Variants in CEP63 observed in about 807,000 individuals in gnomAD.
The protein encoded by CEP63 is centrosomal protein of 63 kDa.
Under a neutral mutation model 89.1 loss-of-function variants are expected in CEP63, and 84 were observed. That is an observed-to-expected ratio of 0.94 (90% CI 0.79 to 1.13). CEP63 has a LOEUF of 1.13. Among genes scored for constraint, CEP63 ranks in the 50% most tolerant of loss-of-function variants. The pLI is 0.00. For missense variants in CEP63, 838 were observed against 813.3 expected (o/e 1.03, Z -0.37); for synonymous variants, 267 against 272.5 (o/e 0.98, Z 0.20).
chr3:134,545,745 G>A lies in CEP63; in HGVS notation c.715G>A (p.Gly239Arg), dbSNP rs1173565237. 6.2e-7 allele frequency: 1 copy of A among 1,614,098 alleles called. No individual in the cohort carries two copies. Among genetic ancestry groups the A allele is most frequent in the African/African-American group, 1.3e-5 (1 of 75,030 alleles). The change falls in exon 7 of 15, where the codon GGA becomes AGA. Residue 239 changes from glycine to arginine, a missense_variant. Transcript: ENST00000675561. Reference sequence around the variant, plus strand: ...CACCATGAGGGTCAATGACTTGGTTGGAACCAGTATGACTGTCCTACAGGA... The same window carrying A: ...CACCATGAGGGTCAATGACTTGGTTAGAACCAGTATGACTGTCCTACAGGA... ...RLTMRVNDLV[G>R]TSMTVLQEQQ...
At chr3:134,610,808 C>G in the CEP63 span, 1 of 156,846 alleles carries the variant, frequency 6.4e-6, no homozygotes. Context: ...ATGTAAGGGG[C>G]GAGCACAGCT....
the CEP63 span, among the ~76,000 whole-genome samples, chr3:134,612,747 G>A: frequency 2.1e-5 from 3 of 142,286 alleles, no homozygotes; most frequent in African/African-American, 8.0e-5. Flanking sequence ...ATGTCACGCC[G>A]ATGCTGTGTG....
rs927885388 is a variant in CEP63, at chr3:134,551,632, T to C, written c.1381-294T>C. Among the ~76,000 whole-genome samples, 14 of 151,728 alleles carry C rather than the reference T, an allele frequency of 9.2e-5. 1 individual carries two copies. Among genetic ancestry groups the C allele is most frequent in the Admixed American group, 9.2e-4 (14 of 15,212 alleles). ...GTTCAGTGGATTGAAACTTTGCTGCTTTGTCACCTGATTTATCCTATTAGA... is the reference window on the plus strand; with the variant it reads ...GTTCAGTGGATTGAAACTTTGCTGCCTTGTCACCTGATTTATCCTATTAGA... On this transcript the variant is annotated intron_variant, in intron 11 of 14. Coordinates refer to ENST00000675561, the MANE Select transcript of CEP63 (RefSeq NM_001353108.3).
At chr3:134,607,639 AG>A in the CEP63 span, 1 of 985,692 alleles carries the variant, frequency 1.0e-6, no homozygotes, top group African/African-American at 1.7e-5. Context: ...ACAATCTTCC[AG>A]AGAAGGCCCT....
the CEP63 span, among the ~76,000 whole-genome samples, chr3:134,656,481 G>A: frequency 6.6e-6 from 1 of 152,186 alleles, no homozygotes; most frequent in Admixed American, 6.5e-5. Context: ...AGCAGGGATG[G>A]AAGAGCAGGG....
chr3:134,618,954 C>A, the CEP63 span, among the ~76,000 whole-genome samples: 14 of 152,244 alleles, frequency 9.2e-5, 1 homozygote, highest in African/African-American at 3.4e-4. Flanking sequence ...TCGCGAAGCC[C>A]GGCAGATGGT....
At chr3:134,520,365 G>GTT in intron 3 of CEP63, among the ~76,000 whole-genome samples, 1 of 152,070 alleles carries the variant, frequency 6.6e-6, no homozygotes, top group South Asian at 2.1e-4. Context: ...CAATGAAAGA[G>GTT]GTATAAGACC....
the CEP63 span, among the ~76,000 whole-genome samples, chr3:134,776,663 G>A: frequency 7.6e-3 from 1,163 of 152,274 alleles, 14 homozygotes; most frequent in African/African-American, 0.027. Flanking sequence ...GCAGCTGGCT[G>A]AGCCTGAAGT....
chr3:134,760,591 C>T, the CEP63 span, among the ~76,000 whole-genome samples: 1 of 152,152 alleles, frequency 6.6e-6, no homozygotes, highest in East Asian at 1.9e-4. Context: ...TGAGCAATTC[C>T]TATGTGTCCC....
At chr3:134,692,261 C>T in the CEP63 span, among the ~76,000 whole-genome samples, 10 of 152,106 alleles carry the variant, frequency 6.6e-5, no homozygotes, top group South Asian at 2.1e-4. Flanking sequence ...CCTTCCCCCT[C>T]CCCCAACCCC....
chr3:134,527,002 A>G (rs1658052658), intron 3 of CEP63, among the ~76,000 whole-genome samples: 1 of 152,130 alleles, frequency 6.6e-6, no homozygotes, highest in South Asian at 2.1e-4. Context: ...GAGTGCTCCC[A>G]GACCACTAGT....
the CEP63 span, among the ~76,000 whole-genome samples, chr3:134,666,869 G>C: frequency 6.6e-6 from 1 of 152,190 alleles, no homozygotes; most frequent in Non-Finnish European, 1.5e-5. Context: ...GAGGTCTAGC[G>C]ATGGCAAGTA....
the CEP63 span, among the ~76,000 whole-genome samples, chr3:134,628,612 C>G: frequency 6.6e-6 from 1 of 152,178 alleles, no homozygotes. Context: ...ATTTTTTTCC[C>G]ACCTACCTTT....
downstream of CEP63, among the ~76,000 whole-genome samples, chr3:134,590,904 T>C (rs747563342): frequency 6.6e-6 from 1 of 152,232 alleles, no homozygotes; most frequent in Non-Finnish European, 1.5e-5. Context: ...CTGTCTGGAC[T>C]GTGTTCATCC....
At chr3:134,646,323 T>C in the CEP63 span, among the ~76,000 whole-genome samples, 1 of 152,010 alleles carries the variant, frequency 6.6e-6, no homozygotes, top group East Asian at 1.9e-4. Flanking sequence ...TCCCTGGCAG[T>C]GGTGGGGTGG....
At chr3:134,598,178 G>A in the CEP63 span, among the ~76,000 whole-genome samples, 3 of 152,188 alleles carry the variant, frequency 2.0e-5, no homozygotes, top group African/African-American at 7.2e-5. Context: ...AAAATCAAAG[G>A]TGTGCAAAAA....
the CEP63 span, among the ~76,000 whole-genome samples, chr3:134,725,170 A>G: frequency 5.9e-5 from 9 of 152,338 alleles, no homozygotes; most frequent in Non-Finnish European, 1.0e-4. Context: ...TTTGCAACCT[A>G]TACGAATTTG....
the CEP63 span, among the ~76,000 whole-genome samples, chr3:134,736,761 G>A: frequency 6.6e-6 from 1 of 152,100 alleles, no homozygotes; most frequent in African/African-American, 2.4e-5. Context: ...GAATCTTTAT[G>A]GGGTTAACTT....
chr3:134,533,013 C>T (rs1950146513), intron 5 of CEP63, 113 bp downstream of exon 5: 10 of 1,078,136 alleles, frequency 9.3e-6, no homozygotes, highest in Admixed American at 1.8e-5. Context: ...TAAGGACTGC[C>T]ACTAAGCTAT....
Sources: allele counts gnomAD v4.1 joint callset (sites outside exome capture counted in the v4.1 genomes callset), GRCh38; gene constraint gnomAD v4.1.1; transcripts MANE v1.5; gene names NCBI Gene and HGNC (gene_info 2026-07-23, HGNC 2026-07-21).